The following AMPH variants were observed in gnomAD, a reference collection of about 807,000 sequenced individuals.
AMPH encodes amphiphysin (Stiff-Mann syndrome with breast cancer 128kD autoantigen).
AMPH carries 49 observed loss-of-function variants against 99.1 expected under a neutral mutation model. The observed-to-expected ratio is 0.49, with a 90% CI of 0.39 to 0.63. The LOEUF (loss-of-function observed/expected upper bound fraction) is 0.63. Ranked by LOEUF, AMPH falls within the 20% of genes least tolerant of loss-of-function variation. The pLI is 0.00. For missense variants in AMPH, 759 were observed against 863.4 expected (o/e 0.88, Z 1.52); for synonymous variants, 314 against 317.3 (o/e 0.99, Z 0.11).
chr7:38,611,884 T>C (rs1321930251), intron 1 of AMPH, among the ~76,000 whole-genome samples: 1 of 152,154 alleles, frequency 6.6e-6, no homozygotes, highest in Non-Finnish European at 1.5e-5. Context: ...AAAACCTTGA[T>C]TTTACTGACA....
chr7:38,603,314 C>CAAAAAAAA (rs59085219), intron 1 of AMPH, among the ~76,000 whole-genome samples: 1 of 94,884 alleles, frequency 1.1e-5, no homozygotes, highest in African/African-American at 4.1e-5. Context: ...GACTCTGTCT[C>CAAAAAAAA]AAAAAAAAAA....
chr7:38,440,950 A>G (rs1338743294), intron 11 of AMPH, among the ~76,000 whole-genome samples: 1 of 152,072 alleles, frequency 6.6e-6, no homozygotes, highest in African/African-American at 2.4e-5. Context: ...AAATAGTCTA[A>G]ATCATGCAAT....
intron 18 of AMPH, 29 bp from the exon 19 acceptor site, chr7:38,392,046 C>T (rs1011729244): frequency 0.17 from 271,185 of 1,596,856 alleles, 24,439 homozygotes; most frequent in Admixed American, 0.2. Context: ...TGGCGATGCC[C>T]GGCAGGGCCT....
chr7:38,384,153 T>C lies in AMPH; in HGVS notation c.*665A>G, dbSNP rs1332400002. ...GTTTTGCCATTAGGCAAAACTGCAA[T>C]TGTAATGCCAGACAGAATAAGAGCA... On this transcript the variant is annotated 3_prime_UTR_variant, in exon 21 of 21. Coordinates refer to ENST00000356264, the MANE Select transcript of AMPH (RefSeq NM_001635.4). The C allele has an allele frequency of 6.6e-6, 1 of 152,314 alleles. No individual in the cohort carries two copies. Among genetic ancestry groups the C allele is most frequent in the Non-Finnish European group, 1.5e-5 (1 of 68,118 alleles). The allele number at this position is 152,314 out of a possible 1,614,324, so 9.4% of individuals were successfully genotyped here.
chr7:38,483,546 C>G (rs978435743), intron 5 of AMPH, among the ~76,000 whole-genome samples: 3 of 152,090 alleles, frequency 2.0e-5, no homozygotes, highest in Admixed American at 2.0e-4. Flanking sequence ...TGTCTCAGAG[C>G]ACTGAAATGA....
chr7:38,520,358 GT>G (rs1775367589), intron 2 of AMPH, among the ~76,000 whole-genome samples: 1 of 152,082 alleles, frequency 6.6e-6, no homozygotes, highest in Admixed American at 6.6e-5. Context: ...CATAAATAAA[GT>G]TTACATAGAG....
Position 38,475,435 on chromosome 7 carries a change from A to C in AMPH, c.505-19T>G, listed in dbSNP as rs1327512891. On this transcript the variant is annotated intron_variant, in intron 6 of 20. Coordinates refer to ENST00000356264, the MANE Select transcript of AMPH (RefSeq NM_001635.4). ...CTTCTGCCTAGGAATGAAACATAAC[A>C]TGTGTTTACACTAAGAAAGACCATT... 2 of 1,557,346 alleles carry C rather than the reference A, an allele frequency of 1.3e-6. No individual in the cohort carries two copies. Among genetic ancestry groups the C allele is most frequent in the East Asian group, 4.5e-5 (2 of 44,446 alleles).
At chr7:38,529,193 T>C (rs1790302632) in intron 2 of AMPH, among the ~76,000 whole-genome samples, 2 of 152,224 alleles carry the variant, frequency 1.3e-5, no homozygotes, top group African/African-American at 4.8e-5. Flanking sequence ...GTTGATTTGA[T>C]CTATGCAGAT....
rs1171806785 is a variant in AMPH at position 38,383,812 on chromosome 7, T to G, written c.*1006A>C. On this transcript the variant is annotated 3_prime_UTR_variant, in exon 21 of 21. Coordinates refer to ENST00000356264, the MANE Select transcript of AMPH (RefSeq NM_001635.4). ...TACAGCATACACCATCTATTTTACT[T>G]TAGAACAATCTGTGAAGATGAGTTG... 6.6e-6 allele frequency: 1 copy of G among 152,630 alleles called. No individual in the cohort carries two copies. Among genetic ancestry groups the G allele is most frequent in the Admixed American group, 6.5e-5 (1 of 15,284 alleles). 9.5% of individuals were successfully genotyped at this position (152,630 alleles called of 1,614,324 possible).
intron 12 of AMPH, among the ~76,000 whole-genome samples, chr7:38,433,789 C>T (rs570813970): frequency 6.7e-6 from 1 of 149,108 alleles, no homozygotes; most frequent in South Asian, 2.2e-4. Context: ...CTGTATAATG[C>T]ACACATCACC....
At chr7:38,406,549 T>C (rs1196520423) in intron 17 of AMPH, among the ~76,000 whole-genome samples, 2 of 152,054 alleles carry the variant, frequency 1.3e-5, no homozygotes, top group East Asian at 1.9e-4. Context: ...TCTAGGTGTG[T>C]CTGTGAGGTT....
At chr7:38,396,835 G>A (rs1407636611) in intron 17 of AMPH, among the ~76,000 whole-genome samples, 1 of 152,218 alleles carries the variant, frequency 6.6e-6, no homozygotes, top group Non-Finnish European at 1.5e-5. Flanking sequence ...TAGCTTTATT[G>A]TCGGAGACAT....
chr7:38,526,763 A>C (rs933905715), intron 2 of AMPH, among the ~76,000 whole-genome samples: 1 of 152,034 alleles, frequency 6.6e-6, no homozygotes, highest in Non-Finnish European at 1.5e-5. Flanking sequence ...GAAGTTTTTA[A>C]TTTGGATGAG....
At chr7:38,518,986 T>C (rs146808423) in intron 2 of AMPH, among the ~76,000 whole-genome samples, 145 of 152,320 alleles carry the variant, frequency 9.5e-4, no homozygotes, top group African/African-American at 3.3e-3. Context: ...CGCTCATAAA[T>C]GGATTAATGC....
intron 1 of AMPH, among the ~76,000 whole-genome samples, chr7:38,579,660 G>A (rs1399596777): frequency 1.3e-5 from 2 of 152,168 alleles, no homozygotes; most frequent in African/African-American, 4.8e-5. Flanking sequence ...TTACAAAAGA[G>A]GCAACAGTTG....
At position 38,580,700 on chromosome 7, in the gene AMPH, TGAC is replaced by T. The variant is rs896783774; in HGVS notation, c.70-45692_70-45690del. ...ATGATGATGATGATGATGATGATGA[TGAC>T]GATGACGATAAGGGTCTGAGAAGTC... On this transcript the variant is annotated intron_variant, in intron 1 of 20. Coordinates refer to ENST00000356264, the MANE Select transcript of AMPH (RefSeq NM_001635.4). 1.5e-4 allele frequency among the ~76,000 whole-genome samples: 21 copies of T among 143,698 alleles called. No individual in the cohort carries two copies. In the East Asian group the frequency reaches 2.2e-3, roughly 15 times the overall value. The allele number at this position is 143,698 out of a possible 152,430, so 94.3% of individuals were successfully genotyped here. A position where few individuals can be genotyped will look rare whatever the true frequency, so the allele number is the denominator to read the frequency against.
At chr7:38,514,606 G>A (rs560852879) in intron 2 of AMPH, among the ~76,000 whole-genome samples, 26 of 152,294 alleles carry the variant, frequency 1.7e-4, no homozygotes, top group African/African-American at 5.8e-4. Context: ...CCATTATCAT[G>A]TGAGTGGCCT....
intron 1 of AMPH, among the ~76,000 whole-genome samples, chr7:38,570,938 T>G (rs1405293246): frequency 2.1e-5 from 1 of 47,794 alleles, no homozygotes; most frequent in Non-Finnish European, 5.1e-5. Context: ...TATATATATA[T>G]ATATATTTAT....
At chr7:38,447,777 CA>C (rs759165834) in intron 11 of AMPH, among the ~76,000 whole-genome samples, 20 of 149,888 alleles carry the variant, frequency 1.3e-4, no homozygotes, top group East Asian at 1.9e-4. Flanking sequence ...CACACACACA[CA>C]CCCATACACA....
Sources: allele counts gnomAD v4.1 joint callset (sites outside exome capture counted in the v4.1 genomes callset), GRCh38; gene constraint gnomAD v4.1.1; transcripts MANE v1.5; gene names NCBI Gene and HGNC (gene_info 2026-07-23, HGNC 2026-07-21).